Variants in PARD3B observed in about 807,000 individuals in gnomAD.
The protein encoded by PARD3B is partitioning defective 3 homolog B.
A neutral mutation model predicts 130.2 loss-of-function variants in PARD3B; 103 were observed. The observed-to-expected ratio is 0.79, with a 90% CI of 0.67 to 0.93. The LOEUF is 0.93. PARD3B is among the 40% of genes least tolerant of loss of function. The pLI, the probability that PARD3B is intolerant of heterozygous loss-of-function variation, is 0.00. For synonymous variants in PARD3B, 583 were observed against 553.2 expected (o/e 1.05, Z -0.76); for missense variants, 1,609 against 1,499.2 (o/e 1.07, Z -1.21).
intron 1 of PARD3B, among the ~76,000 whole-genome samples, chr2:204,655,469 G>T (rs2035609711): frequency 6.6e-6 from 1 of 152,110 alleles, no homozygotes; most frequent in South Asian, 2.1e-4. Context: ...TGTTACGCAA[G>T]TGCCAAAGTC....
intron 21 of PARD3B, among the ~76,000 whole-genome samples, chr2:205,529,632 C>T (rs1387599075): frequency 6.6e-6 from 1 of 152,156 alleles, no homozygotes; most frequent in East Asian, 1.9e-4. Flanking sequence ...TTATACTTCA[C>T]TTTCTTTACT....
chr2:205,171,620 G>A (rs899161184), intron 11 of PARD3B, among the ~76,000 whole-genome samples: 1 of 152,160 alleles, frequency 6.6e-6, no homozygotes, highest in Non-Finnish European at 1.5e-5. Flanking sequence ...AAATATCAGG[G>A]CGAACTGGCC....
chr2:205,609,487 G>A (rs574544881), intron 22 of PARD3B, among the ~76,000 whole-genome samples: 24 of 152,130 alleles, frequency 1.6e-4, no homozygotes, highest in South Asian at 1.5e-3. Context: ...ACTTCCTGCC[G>A]TTCAAACCCC....
At chr2:205,123,680 G>A (rs1327526722) in intron 8 of PARD3B, among the ~76,000 whole-genome samples, 2 of 151,130 alleles carry the variant, frequency 1.3e-5, no homozygotes, top group South Asian at 2.1e-4. Context: ...AAAATAAGTG[G>A]TGGGAATCAT....
intron 2 of PARD3B, among the ~76,000 whole-genome samples, chr2:204,781,243 C>T (rs750365888): frequency 3.4e-4 from 52 of 152,142 alleles, no homozygotes; most frequent in Non-Finnish European, 1.9e-4. Flanking sequence ...CCTTTTAGCT[C>T]AATGCTAGGT....
At chr2:205,132,277 T>C (rs906882601) in intron 10 of PARD3B, among the ~76,000 whole-genome samples, 2 of 152,158 alleles carry the variant, frequency 1.3e-5, no homozygotes, top group Admixed American at 6.5e-5. Context: ...GTGAGAAATA[T>C]CAATAATTCC....
At chr2:205,102,790 G>T (rs1486423808) in intron 4 of PARD3B, among the ~76,000 whole-genome samples, 1 of 152,058 alleles carries the variant, frequency 6.6e-6, no homozygotes, top group Non-Finnish European at 1.5e-5. Flanking sequence ...ACTTGGCTGG[G>T]CGCGGTGGCT....
At chr2:204,732,247 G>C (rs1216468811) in intron 2 of PARD3B, among the ~76,000 whole-genome samples, 1 of 152,120 alleles carries the variant, frequency 6.6e-6, no homozygotes, top group Non-Finnish European at 1.5e-5. Flanking sequence ...GTAATTCTTA[G>C]ACGCAGTACC....
At chr2:205,261,836 C>A (rs1315752170) in intron 16 of PARD3B, among the ~76,000 whole-genome samples, 1 of 152,080 alleles carries the variant, frequency 6.6e-6, no homozygotes, top group African/African-American at 2.4e-5. Context: ...TAGTCCTTGC[C>A]CATGTGGCCA....
At chr2:204,820,604 C>T (rs144202165) in intron 2 of PARD3B, among the ~76,000 whole-genome samples, 1,930 of 151,884 alleles carry the variant, frequency 0.013, 33 homozygotes, top group African/African-American at 0.044. Context: ...CACTTGAGGT[C>T]AGGAGTTCAA....
At chr2:205,432,805 A>T (rs1273843533) in intron 19 of PARD3B, among the ~76,000 whole-genome samples, 2 of 152,066 alleles carry the variant, frequency 1.3e-5, no homozygotes, top group Non-Finnish European at 2.9e-5. Context: ...ACTCCCTTCA[A>T]AAACTCCTAC....
At chr2:204,836,972 G>A (rs2044058678) in intron 2 of PARD3B, among the ~76,000 whole-genome samples, 1 of 152,092 alleles carries the variant, frequency 6.6e-6, no homozygotes, top group South Asian at 2.1e-4. Context: ...AAAACATTAT[G>A]TCTTTTGAAA....
intron 21 of PARD3B, among the ~76,000 whole-genome samples, chr2:205,548,400 A>G (rs1008554995): frequency 1.3e-5 from 2 of 152,076 alleles, no homozygotes; most frequent in African/African-American, 4.8e-5. Flanking sequence ...CTCTACTCCA[A>G]AATCTGTCCT....
chr2:205,314,209 A>G (rs2042483767), intron 18 of PARD3B, among the ~76,000 whole-genome samples: 1 of 152,140 alleles, frequency 6.6e-6, no homozygotes, highest in Admixed American at 6.5e-5. Flanking sequence ...CTTCAATGTA[A>G]TTTACTAACA....
chr2:204,842,585 A>G (rs993441049), intron 2 of PARD3B, among the ~76,000 whole-genome samples: 10 of 152,168 alleles, frequency 6.6e-5, no homozygotes, highest in African/African-American at 2.4e-4. Flanking sequence ...CTAAAACATT[A>G]AGGGGGTTTT....
chr2:204,891,758 C>A (rs370065487), intron 2 of PARD3B, among the ~76,000 whole-genome samples: 2 of 152,140 alleles, frequency 1.3e-5, no homozygotes, highest in African/African-American at 4.8e-5. Flanking sequence ...GATGTTCCCC[C>A]TGGACAATTT....
intron 1 of PARD3B, among the ~76,000 whole-genome samples, chr2:204,569,395 A>G (rs1559161359): frequency 6.6e-6 from 1 of 152,244 alleles, no homozygotes; most frequent in Non-Finnish European, 1.5e-5. Context: ...ATAAATGTTT[A>G]ATACTGTATG....
chr2:204,961,779 A>G (rs1247761296), intron 2 of PARD3B, among the ~76,000 whole-genome samples: 1 of 152,178 alleles, frequency 6.6e-6, no homozygotes, highest in Non-Finnish European at 1.5e-5. Context: ...TTGAGAAGGC[A>G]GTAATCACCT....
intron 15 of PARD3B, among the ~76,000 whole-genome samples, chr2:205,198,508 C>T (rs1393922508): frequency 6.6e-6 from 1 of 152,156 alleles, no homozygotes; most frequent in Non-Finnish European, 1.5e-5. Flanking sequence ...GTTACTTGCT[C>T]TAATTTTTTT....
Sources: allele counts gnomAD v4.1 joint callset (sites outside exome capture counted in the v4.1 genomes callset), GRCh38; gene constraint gnomAD v4.1.1; transcripts MANE v1.5; gene names NCBI Gene and HGNC (gene_info 2026-07-23, HGNC 2026-07-21).